Variants in SLC4A4 observed in about 807,000 individuals in gnomAD.
The protein encoded by SLC4A4 is solute carrier family 4 member 4.
In SLC4A4, 27 loss-of-function variants were observed where a neutral mutation model predicts 111.5. The observed-to-expected ratio is 0.24, with a 90% CI of 0.18 to 0.33. SLC4A4 has a LOEUF of 0.33. Ranked by LOEUF, SLC4A4 falls within the 10% of genes least tolerant of loss-of-function variation. The pLI, the probability that SLC4A4 is intolerant of heterozygous loss-of-function variation, is 1.00. For missense variants in SLC4A4, 909 were observed against 1,315.5 expected (o/e 0.69, Z 4.78); for synonymous variants, 443 against 463.4 (o/e 0.96, Z 0.57).
chr4:71,194,231 TGAG>T (rs1037871190), intron 1 of SLC4A4, among the ~76,000 whole-genome samples: 2 of 152,194 alleles, frequency 1.3e-5, no homozygotes, highest in Non-Finnish European at 2.9e-5. Flanking sequence ...AGAGGAGTTA[TGAG>T]GAACAGATAA....
intron 2 of SLC4A4, among the ~76,000 whole-genome samples, chr4:71,126,150 A>G (rs993799834): frequency 5.9e-5 from 9 of 152,156 alleles, no homozygotes; most frequent in African/African-American, 2.2e-4. Flanking sequence ...AAATTGTGAA[A>G]TTTTGGGGAA....
At chr4:71,566,641 A>G (rs1409170466) in intron 24 of SLC4A4, among the ~76,000 whole-genome samples, 1 of 151,830 alleles carries the variant, frequency 6.6e-6, no homozygotes, top group African/African-American at 2.4e-5. Flanking sequence ...CTCAAAAAAA[A>G]AAATCTTTTT....
chr4:71,266,862 G>A (rs1422060975), intron 3 of SLC4A4, among the ~76,000 whole-genome samples: 1 of 152,212 alleles, frequency 6.6e-6, no homozygotes, highest in Non-Finnish European at 1.5e-5. Context: ...AATATTTATG[G>A]AGTACTTTTT....
At chr4:71,565,247 G>T (rs1737361704) in intron 24 of SLC4A4, among the ~76,000 whole-genome samples, 1 of 151,864 alleles carries the variant, frequency 6.6e-6, no homozygotes, top group African/African-American at 2.4e-5. Context: ...GCCGAAGTGT[G>T]AATTGGCCTT....
chr4:71,548,524 A>C (rs1241842322), intron 20 of SLC4A4, among the ~76,000 whole-genome samples: 1 of 151,900 alleles, frequency 6.6e-6, no homozygotes, highest in African/African-American at 2.4e-5. Flanking sequence ...TTTCAATCAT[A>C]TAAACATGCT....
At chr4:71,347,050 T>C (rs1301898103) in intron 4 of SLC4A4, among the ~76,000 whole-genome samples, 3 of 152,194 alleles carry the variant, frequency 2.0e-5, no homozygotes, top group Non-Finnish European at 4.4e-5. Flanking sequence ...CATTCCTTTA[T>C]GGTTAAATCT....
At chr4:71,247,402 A>C (rs1003710124) in intron 2 of SLC4A4, among the ~76,000 whole-genome samples, 7 of 151,100 alleles carry the variant, frequency 4.6e-5, no homozygotes, top group Non-Finnish European at 8.8e-5. Context: ...ATTAGCCATG[A>C]GTGTATTGAC....
At chr4:71,367,141 C>A (rs1026450092) in intron 6 of SLC4A4, among the ~76,000 whole-genome samples, 5 of 152,156 alleles carry the variant, frequency 3.3e-5, no homozygotes, top group African/African-American at 4.8e-5. Context: ...TAGTTCCCAA[C>A]AATACACTGA....
intron 3 of SLC4A4, among the ~76,000 whole-genome samples, chr4:71,338,126 C>T (rs963611028): frequency 6.6e-6 from 1 of 152,112 alleles, no homozygotes; most frequent in African/African-American, 2.4e-5. Context: ...AGCCACCGCG[C>T]CCTGCCATTT....
chr4:71,317,871 A>C (rs1431323645), intron 3 of SLC4A4, among the ~76,000 whole-genome samples: 2 of 152,126 alleles, frequency 1.3e-5, no homozygotes, highest in East Asian at 3.9e-4. Flanking sequence ...GAATATAGAA[A>C]TAATACTTAG....
At chr4:71,138,088 G>C (rs1024794219) in intron 2 of SLC4A4, among the ~76,000 whole-genome samples, 4 of 152,202 alleles carry the variant, frequency 2.6e-5, no homozygotes, top group Admixed American at 2.0e-4. Flanking sequence ...CTAAAAGATA[G>C]ATTTCATGCA....
chr4:71,367,563 A>G (rs750138340), intron 6 of SLC4A4, among the ~76,000 whole-genome samples: 8 of 152,214 alleles, frequency 5.3e-5, no homozygotes, highest in Non-Finnish European at 1.2e-4. Context: ...GGCCAGTATG[A>G]TAATATACAT....
chr4:71,424,370 G>C (rs1418298696), intron 7 of SLC4A4, among the ~76,000 whole-genome samples: 1 of 151,686 alleles, frequency 6.6e-6, no homozygotes, highest in Non-Finnish European at 1.5e-5. Flanking sequence ...TGGAGAAATA[G>C]GAACACTTTT....
At chr4:71,416,714 C>T (rs1053430048) in intron 7 of SLC4A4, among the ~76,000 whole-genome samples, 3 of 151,886 alleles carry the variant, frequency 2.0e-5, no homozygotes, top group African/African-American at 7.2e-5. Context: ...ATTATTATTA[C>T]TAGTAATTTT....
intron 7 of SLC4A4, among the ~76,000 whole-genome samples, chr4:71,419,726 C>T (rs1297988238): frequency 1.3e-5 from 2 of 152,222 alleles, no homozygotes; most frequent in African/African-American, 2.4e-5. Context: ...CTATCTGGCA[C>T]TCCCTAGTGA....
intron 16 of SLC4A4, 130 bp from the exon 17 acceptor site, chr4:71,531,932 T>C: frequency 1.4e-6 from 1 of 689,852 alleles, no homozygotes; most frequent in Non-Finnish European, 2.6e-6. Flanking sequence ...CTCTGATACC[T>C]CCTTCAATTT....
intron 7 of SLC4A4, among the ~76,000 whole-genome samples, chr4:71,419,678 C>A (rs960233621): frequency 6.6e-6 from 1 of 152,242 alleles, no homozygotes; most frequent in Admixed American, 6.5e-5. Context: ...CCTCCTTCGG[C>A]TCGTGCACGG....
Position 71,208,193 on chromosome 4 carries a change from G to A in SLC4A4, c.-2+20792G>A, listed in dbSNP as rs919287820. ...TGCCTATAATCCCAGCACTTTGGGAGGCCGAGGCAGGCGGATCACGAGGTC... is the reference window on the plus strand; with the variant it reads ...TGCCTATAATCCCAGCACTTTGGGAAGCCGAGGCAGGCGGATCACGAGGTC... On this transcript the variant is annotated intron_variant, in intron 1 of 25. Coordinates refer to ENST00000264485, the MANE Select transcript of SLC4A4 (RefSeq NM_001098484.3). Among the ~76,000 whole-genome samples, 5 of 152,150 alleles carry A rather than the reference G, an allele frequency of 3.3e-5. No homozygotes were observed. The East Asian group carries it at 9.6e-4, about 29-fold the overall frequency.
At chr4:71,414,194 C>T (rs1480970261) in intron 7 of SLC4A4, among the ~76,000 whole-genome samples, 1 of 152,252 alleles carries the variant, frequency 6.6e-6, no homozygotes, top group Non-Finnish European at 1.5e-5. Context: ...TCCCCATCAG[C>T]CAACCTTAAG....
Sources: allele counts gnomAD v4.1 joint callset (sites outside exome capture counted in the v4.1 genomes callset), GRCh38; gene constraint gnomAD v4.1.1; transcripts MANE v1.5; gene names NCBI Gene and HGNC (gene_info 2026-07-23, HGNC 2026-07-21).